BAZ1A: variants seen among roughly 807,000 people sequenced by gnomAD.
The protein encoded by BAZ1A is bromodomain adjacent to zinc finger domain protein 1A.
Under a neutral mutation model 185.2 loss-of-function variants are expected in BAZ1A, and 50 were observed. The observed-to-expected ratio is 0.27, with a 90% CI of 0.22 to 0.34. The LOEUF (loss-of-function observed/expected upper bound fraction) is 0.34, where lower values mean the gene tolerates loss of function less well. BAZ1A is among the 10% of genes least tolerant of loss of function. BAZ1A has a pLI of 1.00. For synonymous variants in BAZ1A, 571 were observed against 615.6 expected (o/e 0.93, Z 1.07); for missense variants, 1,356 against 1,839.9 (o/e 0.74, Z 4.81).
chr14:34,753,839 C>G (rs1227419239), intron 26 of BAZ1A, 135 bp from the exon 27 acceptor site: 2 of 721,598 alleles, frequency 2.8e-6, no homozygotes, highest in Non-Finnish European at 4.2e-6. Context: ...AAGACTCTGG[C>G]TAGGCATGGT....
At chr14:34,841,479 C>T (rs1216927892) in intron 3 of BAZ1A, among the ~76,000 whole-genome samples, 1 of 152,074 alleles carries the variant, frequency 6.6e-6, no homozygotes, top group Non-Finnish European at 1.5e-5. Context: ...GCAACCTCCG[C>T]CTCCTGGGTT....
chr14:34,787,186 C>G (rs984877439), intron 12 of BAZ1A, among the ~76,000 whole-genome samples: 16 of 149,532 alleles, frequency 1.1e-4, no homozygotes, highest in Non-Finnish European at 2.2e-4. Flanking sequence ...AACCCCGTCT[C>G]TACTAAAAAT....
At chr14:34,808,937 T>C (rs1297288798) in intron 5 of BAZ1A, among the ~76,000 whole-genome samples, 1 of 152,208 alleles carries the variant, frequency 6.6e-6, no homozygotes, top group Non-Finnish European at 1.5e-5. Context: ...CCCAAAAATG[T>C]ATACAGTTAG....
chr14:34,768,892 A>G (rs1879031952), intron 21 of BAZ1A: 1 of 251,690 alleles, frequency 4.0e-6, no homozygotes, highest in Non-Finnish European at 7.8e-6. Flanking sequence ...AAACATCCTC[A>G]TGTATCTTAC....
In BAZ1A at chr14:34,862,265, C is replaced by T. The variant is rs1452010603; in HGVS notation, c.171G>A (p.Thr57=). 9 of 1,613,970 alleles carry T rather than the reference C, an allele frequency of 5.6e-6. No individual in the cohort carries two copies. The highest frequency in any genetic ancestry group is 4.4e-5 in the South Asian group (4 of 91,068). The change falls in exon 3 of 27, where the codon ACG becomes ACA. Residue 57 remains threonine, a synonymous_variant. Transcript: ENST00000360310. ...CNSLVWSCAV[T]GRPGLTYQEA... Reference sequence around the variant, plus strand: ...CCTGATACGTCAGTCCAGGTCTACCCGTCACAGCACAACTCCACACAAGGC... The same window carrying T: ...CCTGATACGTCAGTCCAGGTCTACCTGTCACAGCACAACTCCACACAAGGC...
chr14:34,764,229 A>C (rs1187095840), intron 23 of BAZ1A, among the ~76,000 whole-genome samples: 2 of 151,846 alleles, frequency 1.3e-5, no homozygotes, highest in Non-Finnish European at 2.9e-5. Context: ...TTGAATGTTT[A>C]TAATATATAA....
chr14:34,802,711 T>G, intron 7 of BAZ1A, 143 bp downstream of exon 7: 1 of 806,184 alleles, frequency 1.2e-6, no homozygotes, highest in South Asian at 1.9e-5. Context: ...TATCAACATA[T>G]AGTACACACT....
At position 34,833,407 on chromosome 14, in the gene BAZ1A, A is replaced by G. The variant is rs534546291; in HGVS notation, c.393-7251T>C. Among the ~76,000 whole-genome samples, 7 of 152,296 alleles carry G rather than the reference A, an allele frequency of 4.6e-5. No homozygotes were observed. In the East Asian group the frequency reaches 9.6e-4, roughly 21 times the overall value. On this transcript the variant is annotated intron_variant, in intron 3 of 26. Coordinates refer to ENST00000360310, the MANE Select transcript of BAZ1A (RefSeq NM_013448.3). ...GCCGGGCGTGGTGGCGCGCGCCTAT[A>G]ATCCCAGCTACTCAGGAGGCTGAGA...
At chr14:34,841,009 C>T (rs1046458360) in intron 3 of BAZ1A, among the ~76,000 whole-genome samples, 13 of 151,808 alleles carry the variant, frequency 8.6e-5, no homozygotes, top group African/African-American at 1.9e-4. Flanking sequence ...AATGCAATGG[C>T]GCAATCTTGG....
intron 5 of BAZ1A, 42 bp from the exon 6 acceptor site, chr14:34,807,580 CAA>C: frequency 6.9e-7 from 1 of 1,438,902 alleles, no homozygotes; most frequent in Non-Finnish European, 9.7e-7. Flanking sequence ...GTGTTAGCAT[CAA>C]AGAGTTCAAC....
intron 2 of BAZ1A, among the ~76,000 whole-genome samples, chr14:34,868,931 A>C (rs1424650921): frequency 1.3e-5 from 2 of 149,338 alleles, no homozygotes; most frequent in Non-Finnish European, 3.0e-5. Flanking sequence ...TGTGTGTATA[A>C]TACATGTATA....
At chr14:34,844,922 T>C (rs965230215) in intron 3 of BAZ1A, among the ~76,000 whole-genome samples, 1 of 152,204 alleles carries the variant, frequency 6.6e-6, no homozygotes, top group Non-Finnish European at 1.5e-5. Context: ...TTGTGATATG[T>C]AAAATAATAT....
chr14:34,778,444 C>G (rs900587392), intron 17 of BAZ1A, among the ~76,000 whole-genome samples: 1 of 152,110 alleles, frequency 6.6e-6, no homozygotes, highest in African/African-American at 2.4e-5. Flanking sequence ...CGTTCTATTT[C>G]TTTTGCTTGA....
chr14:34,785,500 C>T (rs1880382878), intron 14 of BAZ1A, among the ~76,000 whole-genome samples: 1 of 152,146 alleles, frequency 6.6e-6, no homozygotes, highest in African/African-American at 2.4e-5. Flanking sequence ...ACTTCTGATA[C>T]ACTAGTAAAT....
At chr14:34,756,464 C>CTTTTTTTTTTTTTTTTTTTTTTTTTTT (rs1343693112) in intron 25 of BAZ1A, among the ~76,000 whole-genome samples, 1 of 107,166 alleles carries the variant, frequency 9.3e-6, no homozygotes. Flanking sequence ...GCCAGAATAC[C>CTTTTTTTTTTTTTTTTTTTTTTTTTTT]TATTTTTTTT....
chr14:34,816,118 C>T (rs865882559), intron 4 of BAZ1A, among the ~76,000 whole-genome samples: 309 of 106,860 alleles, frequency 2.9e-3, no homozygotes, highest in African/African-American at 7.4e-3. Context: ...GATAGTGTCT[C>T]GCTCTGTCAC....
chr14:34,802,082 T>C (rs1455330140), intron 7 of BAZ1A, among the ~76,000 whole-genome samples: 2 of 152,162 alleles, frequency 1.3e-5, no homozygotes, highest in African/African-American at 2.4e-5. Flanking sequence ...GCTTACTTTA[T>C]AAACTAGATG....
At position 34,874,697 on chromosome 14, in the gene BAZ1A, G is replaced by A. The variant is rs1408126415; in HGVS notation, c.-58-35C>T. On this transcript the variant is annotated intron_variant, in intron 1 of 26. Transcript: ENST00000360310. This position sits in a 1 kb window ranked among gnomAD's most constrained non-coding sequence, Gnocchi z 4.7. ...TTGGAGGGAAAGGAAAGCCGGTAAG[G>A]TGGGGAGCCCTCGGCGGCAGCGTGG... is the stretch of plus-strand genomic sequence containing the variant. The A allele has an allele frequency of 1.5e-5, 17 of 1,116,596 alleles. No individual in the cohort carries two copies. The highest frequency in any genetic ancestry group is 2.1e-5 in the Non-Finnish European group (17 of 792,328). The allele number at this position is 1,116,596 out of a possible 1,614,324, so 69.2% of individuals were successfully genotyped here.
chr14:34,754,425 A>AAG (rs1555336272), intron 26 of BAZ1A, among the ~76,000 whole-genome samples: 2 of 150,078 alleles, frequency 1.3e-5, no homozygotes, highest in Admixed American at 6.7e-5. Flanking sequence ...CTCAAAAAAA[A>AAG]AAAAAAAGAA....
Sources: allele counts gnomAD v4.1 joint callset (sites outside exome capture counted in the v4.1 genomes callset), GRCh38; gene constraint gnomAD v4.1.1; non-coding constraint Gnocchi (gnomAD v3.1); transcripts MANE v1.5; gene names NCBI Gene and HGNC (gene_info 2026-07-23, HGNC 2026-07-21).